The following LRBA variants were observed in gnomAD, a reference collection of about 807,000 sequenced individuals.
LRBA encodes lipopolysaccharide-responsive and beige-like anchor protein.
A neutral mutation model predicts 330.0 loss-of-function variants in LRBA; 176 were observed. That is an observed-to-expected ratio of 0.53 (90% CI 0.47 to 0.60). The LOEUF (loss-of-function observed/expected upper bound fraction) is 0.60, where lower values mean the gene tolerates loss of function less well. Ranked by LOEUF, LRBA falls within the 20% of genes least tolerant of loss-of-function variation. The pLI is 0.00. For synonymous variants in LRBA, 1,230 were observed against 1,193.0 expected (o/e 1.03, Z -0.64); for missense variants, 3,259 against 3,444.8 (o/e 0.95, Z 1.35).
At chr4:150,346,757 C>CAAAAAAAAAAAAAAAAAAAAAAAAA (rs57119340) in intron 48 of LRBA, among the ~76,000 whole-genome samples, 2 of 66,152 alleles carry the variant, frequency 3.0e-5, no homozygotes, top group African/African-American at 1.6e-4. Flanking sequence ...GACTCTGTCT[C>CAAAAAAAAAAAAAAAAAAAAAAAAA]AAAAAAAAAA....
At chr4:150,577,089 A>T in intron 40 of LRBA, among the ~76,000 whole-genome samples, 1 of 152,002 alleles carries the variant, frequency 6.6e-6, no homozygotes, top group East Asian at 1.9e-4. Flanking sequence ...CCAGAATAAT[A>T]ATTACAAGTA....
chr4:150,433,814 G>A (rs1750744834), intron 46 of LRBA, among the ~76,000 whole-genome samples: 1 of 151,906 alleles, frequency 6.6e-6, no homozygotes. Context: ...ATTATTTACT[G>A]GTGATTTTTA....
At chr4:150,768,839 TAAAGA>T (rs991426212) in intron 34 of LRBA, among the ~76,000 whole-genome samples, 8 of 151,478 alleles carry the variant, frequency 5.3e-5, no homozygotes, top group East Asian at 1.9e-4. Context: ...AAAAGAAGAT[TAAAGA>T]AAAGTATAAT....
At chr4:150,924,020 A>T (rs1733611710) in intron 4 of LRBA, among the ~76,000 whole-genome samples, 1 of 152,258 alleles carries the variant, frequency 6.6e-6, no homozygotes, top group South Asian at 2.1e-4. Flanking sequence ...AATAAATTCC[A>T]AAGTAAAATA....
intron 37 of LRBA, among the ~76,000 whole-genome samples, chr4:150,612,072 T>C (rs191749182): frequency 6.6e-6 from 1 of 152,230 alleles, no homozygotes; most frequent in Admixed American, 6.5e-5. Flanking sequence ...CAGGGGAATT[T>C]TTGCATTTTT....
At chr4:150,612,729 T>C (rs1452379984) in intron 37 of LRBA, among the ~76,000 whole-genome samples, 1 of 152,138 alleles carries the variant, frequency 6.6e-6, no homozygotes, top group Non-Finnish European at 1.5e-5. Context: ...GAAATACTCA[T>C]ATGAAGAAAA....
intron 53 of LRBA, among the ~76,000 whole-genome samples, chr4:150,294,058 G>A (rs551397750): frequency 6.6e-6 from 1 of 152,290 alleles, no homozygotes; most frequent in Admixed American, 6.5e-5. Flanking sequence ...TTAAGTTTCT[G>A]GGGAGTCAAA....
At chr4:150,900,928 A>C (rs992998397) in intron 13 of LRBA, among the ~76,000 whole-genome samples, 5 of 152,150 alleles carry the variant, frequency 3.3e-5, no homozygotes, top group Non-Finnish European at 5.9e-5. Flanking sequence ...GTTTATATTA[A>C]CTTCGAAATA....
At chr4:150,685,422 T>A (rs866893668) in intron 36 of LRBA, among the ~76,000 whole-genome samples, 238 of 12,412 alleles carry the variant, frequency 0.019, no homozygotes, top group East Asian at 0.032. Context: ...ATATATATAT[T>A]TTTTTTTTTT....
At chr4:150,588,320 A>G (rs1772378248) in intron 39 of LRBA, 136 bp from the exon 40 acceptor site, 3 of 765,952 alleles carry the variant, frequency 3.9e-6, no homozygotes, top group South Asian at 6.2e-5. Context: ...CTACAGTTAA[A>G]TATTCTGTCC....
chr4:150,768,161 C>T (rs1161044935), intron 34 of LRBA, among the ~76,000 whole-genome samples: 2 of 147,966 alleles, frequency 1.4e-5, no homozygotes, highest in African/African-American at 2.5e-5. Flanking sequence ...GAGGGGGCAA[C>T]AGTACATGAG....
At chr4:150,592,790 G>A (rs536441761) in intron 38 of LRBA, among the ~76,000 whole-genome samples, 1 of 152,178 alleles carries the variant, frequency 6.6e-6, no homozygotes, top group Non-Finnish European at 1.5e-5. Flanking sequence ...ACCATGCCCA[G>A]CTAATTTTTT....
intron 17 of LRBA, among the ~76,000 whole-genome samples, chr4:150,892,514 T>G (rs1280169599): frequency 6.6e-6 from 1 of 151,720 alleles, no homozygotes; most frequent in Non-Finnish European, 1.5e-5. Flanking sequence ...AAGAGGAGAG[T>G]CTTCACCAAA....
rs185231754 is a variant in LRBA at position 150,690,269 on chromosome 4, C to T, written c.5755-6552G>A. On this transcript the variant is annotated intron_variant, in intron 36 of 56. Transcript: ENST00000651943. ...CTCTAATCCCAGCACTTTGGGAGGC[C>T]GAGGCAGGTAGATCACAAGGTCAGG... 3.7e-3 allele frequency among the ~76,000 whole-genome samples: 557 copies of T among 151,912 alleles called. 1 individual carries two copies. The highest frequency in any genetic ancestry group is 0.012 in the African/African-American group (515 of 41,432).
chr4:150,585,461 CTCTT>C (rs1404351824), intron 40 of LRBA, among the ~76,000 whole-genome samples: 1 of 152,206 alleles, frequency 6.6e-6, no homozygotes, highest in Non-Finnish European at 1.5e-5. Flanking sequence ...TACCTTCCTC[CTCTT>C]TCTGTTTTTC....
In LRBA at chr4:150,868,317, T is replaced by G. The variant is rs1017976729; in HGVS notation, c.2450-12A>C. 1 of 1,556,682 alleles carries G rather than the reference T, an allele frequency of 6.4e-7. No individual in the cohort carries two copies. The highest frequency in any genetic ancestry group is 2.3e-5 in the East Asian group (1 of 44,298). On this transcript the variant is annotated splice_polypyrimidine_tract_variant and intron_variant, in intron 20 of 56. Coordinates refer to ENST00000651943, the MANE Select transcript of LRBA (RefSeq NM_001364905.1). ...TACTTTTAGTATCTCTGTAAGACAG[T>G]TTATAAATAAGTAAAAACCAAACTC... is the stretch of plus-strand genomic sequence containing the variant.
chr4:150,657,012 T>C (rs1005057515), intron 37 of LRBA, among the ~76,000 whole-genome samples: 1 of 152,170 alleles, frequency 6.6e-6, no homozygotes, highest in East Asian at 1.9e-4. Context: ...TAAGAGCCCA[T>C]AGAATGGGAA....
At chr4:150,569,391 T>C (rs1769555575) in intron 40 of LRBA, among the ~76,000 whole-genome samples, 1 of 152,152 alleles carries the variant, frequency 6.6e-6, no homozygotes, top group Non-Finnish European at 1.5e-5. Context: ...TAAATAACTT[T>C]CTATTGCTTT....
chr4:150,278,164 A>G (rs1260849802), intron 55 of LRBA, among the ~76,000 whole-genome samples, 160 bp from the exon 56 acceptor site: 4 of 152,190 alleles, frequency 2.6e-5, no homozygotes, highest in Admixed American at 1.3e-4. Flanking sequence ...AAGATCTGCC[A>G]TTTTTCAAAA....
Sources: gnomAD v4.1 joint callset for allele counts (sites outside exome capture counted in the v4.1 genomes callset) on GRCh38, gnomAD v4.1.1 for gene constraint, MANE v1.5 for transcripts, NCBI Gene and HGNC (gene_info 2026-07-23, HGNC 2026-07-21) for gene names.